PIAS1: variants seen among roughly 807,000 people sequenced by gnomAD.
PIAS1 encodes the protein E3 SUMO-protein ligase PIAS1.
A neutral mutation model predicts 71.3 loss-of-function variants in PIAS1; 6 were observed. The ratio of observed to expected loss-of-function variants is 0.08; its 90% CI spans 0.05 to 0.17. The LOEUF (loss-of-function observed/expected upper bound fraction) is 0.17, where lower values mean the gene tolerates loss of function less well. Ranked by LOEUF, PIAS1 falls within the 10% of genes least tolerant of loss-of-function variation. PIAS1 has a pLI of 1.00. For synonymous variants in PIAS1, 303 were observed against 292.9 expected (o/e 1.03, Z -0.35); for missense variants, 555 against 793.6 (o/e 0.70, Z 3.61).
rs2092811272 is a variant in PIAS1 at position 68,146,835 on chromosome 15, A to G, written c.828+135A>G. 9.6e-6 allele frequency: 7 copies of G among 731,230 alleles called. No individual in the cohort carries two copies. The Admixed American group carries it at 1.7e-4, about 18-fold the overall frequency. The allele number at this position is 731,230 out of a possible 1,614,324, so 45.3% of individuals were successfully genotyped here. A position where few individuals can be genotyped will look rare whatever the true frequency, so the allele number is the denominator to read the frequency against. The stretch of plus-strand genomic sequence containing the variant: ...ATTTTTGTCTCACAATGAATTTTCA[A>G]CATGTTTCCATTTGAAAAATGGGAT... On this transcript the variant is annotated intron_variant, in intron 6 of 13. Coordinates refer to ENST00000249636, the MANE Select transcript of PIAS1 (RefSeq NM_016166.3).
chr15:68,183,718 T>A, intron 13 of PIAS1, 51 bp downstream of exon 13: 1 of 710,266 alleles, frequency 1.4e-6, no homozygotes, highest in South Asian at 1.7e-5. Context: ...AAAAATACAG[T>A]CATGCGCCAC....
rs1375677750 is a variant in PIAS1, at chr15:68,176,624, T to C, written c.1451T>C (p.Leu484Pro). Residue 484 changes from leucine to proline, a missense_variant, in exon 11 of 14, where the codon CTA (leucine) becomes CCA (proline). Physicochemically the swap from Leu to Pro is moderately conservative, Grantham distance 98 (BLOSUM62 -3). Around this residue, in one of 5 missense-constraint regions of PIAS1, gnomAD observed 244 missense variants for 307.5 expected, o/e 0.79. Coordinates refer to ENST00000249636, the MANE Select transcript of PIAS1 (RefSeq NM_016166.3). ...EPSAKRTCPS[L>P]SPTSPLNNKG... is the part of the protein sequence containing the mutation. ...TCTGCCAAGAGGACCTGTCCTTCCCTATCTCCCACATCACCACTAAATAAT... is the reference window on the plus strand; with the variant it reads ...TCTGCCAAGAGGACCTGTCCTTCCCCATCTCCCACATCACCACTAAATAAT... 2 of 1,605,994 alleles carry C rather than the reference T, an allele frequency of 1.2e-6. No homozygotes were observed. Among genetic ancestry groups the C allele is most frequent in the Admixed American group, 1.7e-5 (1 of 58,314 alleles).
chr15:68,090,874 A>G (rs2092326311), intron 2 of PIAS1, among the ~76,000 whole-genome samples: 1 of 151,640 alleles, frequency 6.6e-6, no homozygotes, highest in South Asian at 2.1e-4. Flanking sequence ...TGCTTACTTT[A>G]CAGATAAACT....
intron 2 of PIAS1, among the ~76,000 whole-genome samples, chr15:68,132,035 T>TA (rs35523127): frequency 0.44 from 51,814 of 118,310 alleles, 11,085 homozygotes; most frequent in East Asian, 0.77. Flanking sequence ...AAACCTCCTC[T>TA]AAAAAAAAAA....
chr15:68,113,266 T>C (rs1439804754), intron 2 of PIAS1, among the ~76,000 whole-genome samples: 2 of 152,188 alleles, frequency 1.3e-5, no homozygotes, highest in Admixed American at 6.6e-5. Flanking sequence ...TATACCAAAA[T>C]GTTTTTCAGC....
intron 2 of PIAS1, among the ~76,000 whole-genome samples, chr15:68,141,383 T>G (rs188377608): frequency 2.0e-4 from 30 of 152,266 alleles, no homozygotes; most frequent in African/African-American, 6.5e-4. Flanking sequence ...ACTCTTTTCC[T>G]TCTTTGAGTT....
chr15:68,119,425 A>G (rs2092595651), intron 2 of PIAS1, among the ~76,000 whole-genome samples: 1 of 151,464 alleles, frequency 6.6e-6, no homozygotes. Context: ...AGCCTGGGCA[A>G]CAGAGCAAAA....
chr15:68,054,645 G>A lies in PIAS1; in HGVS notation c.24+295G>A. 3.1e-6 allele frequency: 1 copy of A among 321,804 alleles called. No homozygotes were observed. The highest frequency in any genetic ancestry group is 5.7e-6 in the Non-Finnish European group (1 of 176,510). The allele number at this position is 321,804 out of a possible 1,614,324, so 19.9% of individuals were successfully genotyped here. A position where few individuals can be genotyped will look rare whatever the true frequency, so the allele number is the denominator to read the frequency against. ...GAGTCCGGAGGTAGGGGCTGCAGCT[G>A]TCTCATGGGCTCGGCTTTTTCACCT... is the stretch of plus-strand genomic sequence containing the variant. On this transcript the variant is annotated intron_variant, in intron 1 of 13. Transcript: ENST00000249636. This position sits in a 1 kb window ranked among gnomAD's most constrained non-coding sequence, Gnocchi z 4.6.
chr15:68,084,377 T>C (rs2092259294), intron 1 of PIAS1, among the ~76,000 whole-genome samples: 1 of 152,196 alleles, frequency 6.6e-6, no homozygotes, highest in Non-Finnish European at 1.5e-5. Flanking sequence ...CAGTTTGAAG[T>C]CCCTGTTCCT....
intron 1 of PIAS1, among the ~76,000 whole-genome samples, chr15:68,076,387 G>A (rs563701927): frequency 6.4e-4 from 97 of 152,116 alleles, no homozygotes; most frequent in Non-Finnish European, 1.1e-3. Context: ...TGCACCTGTA[G>A]TCCCAGCTAC....
intron 2 of PIAS1, among the ~76,000 whole-genome samples, chr15:68,125,775 A>C (rs1032970980): frequency 6.6e-6 from 1 of 151,972 alleles, no homozygotes; most frequent in African/African-American, 2.4e-5. Context: ...ATTATCGCTC[A>C]CTGCAGCCTC....
At chr15:68,142,168 T>C in intron 3 of PIAS1, 122 bp from the exon 4 acceptor site, 1 of 958,026 alleles carries the variant, frequency 1.0e-6, no homozygotes, top group South Asian at 1.4e-5. Flanking sequence ...GTGTGTTAGT[T>C]ACTGTAAGAA....
intron 2 of PIAS1, among the ~76,000 whole-genome samples, chr15:68,118,334 AAAT>A (rs1264477233): frequency 2.0e-5 from 3 of 150,484 alleles, no homozygotes; most frequent in East Asian, 3.9e-4. Context: ...AAAAAAAAAA[AAAT>A]AATAATAAAT....
intron 2 of PIAS1, among the ~76,000 whole-genome samples, chr15:68,135,136 G>C (rs1487626404): frequency 1.0e-3 from 49 of 48,734 alleles, no homozygotes; most frequent in Non-Finnish European, 1.4e-3. Context: ...CGGCTGGCCT[G>C]GCGGGGGCTG....
chr15:68,144,738 TCTTAA>T (rs2092796339), intron 4 of PIAS1, among the ~76,000 whole-genome samples: 1 of 152,122 alleles, frequency 6.6e-6, no homozygotes, highest in South Asian at 2.1e-4. Flanking sequence ...GATCAGTAAA[TCTTAA>T]CTTTTTTATG....
intron 2 of PIAS1, among the ~76,000 whole-genome samples, chr15:68,140,676 C>G (rs1218529322): frequency 6.6e-6 from 1 of 152,058 alleles, no homozygotes; most frequent in South Asian, 2.1e-4. Flanking sequence ...CGTTTGGTAT[C>G]GACTTTTTGC....
intron 2 of PIAS1, among the ~76,000 whole-genome samples, chr15:68,090,190 T>TTAA (rs1341921780): frequency 3.3e-5 from 5 of 151,624 alleles, no homozygotes; most frequent in Non-Finnish European, 7.4e-5. Flanking sequence ...TAAATTGTAT[T>TTAA]TAATAATAAT....
chr15:68,069,577 C>G (rs1298051453), intron 1 of PIAS1, among the ~76,000 whole-genome samples: 1 of 152,042 alleles, frequency 6.6e-6, no homozygotes, highest in Admixed American at 6.5e-5. Context: ...CTGAGGCGGG[C>G]GGATGACAAG....
intron 7 of PIAS1, among the ~76,000 whole-genome samples, chr15:68,162,203 C>T (rs1235187413): frequency 6.6e-6 from 1 of 152,108 alleles, no homozygotes; most frequent in South Asian, 2.1e-4. Context: ...GTCCTATGCT[C>T]TTAACCACTA....
Sources: allele counts gnomAD v4.1 joint callset (sites outside exome capture counted in the v4.1 genomes callset), GRCh38; gene constraint gnomAD v4.1.1; regional missense constraint gnomAD v4.1.1; non-coding constraint Gnocchi (gnomAD v3.1); transcripts MANE v1.5; gene names NCBI Gene and HGNC (gene_info 2026-07-23, HGNC 2026-07-21).